The following PTPRK variants were observed in gnomAD, a reference collection of about 807,000 sequenced individuals.
PTPRK encodes protein tyrosine phosphatase receptor type K.
A neutral mutation model predicts 178.0 loss-of-function variants in PTPRK; 75 were observed. That is an observed-to-expected ratio of 0.42 (90% CI 0.35 to 0.51). PTPRK has a LOEUF of 0.51. PTPRK is among the 20% of genes least tolerant of loss of function. The pLI is 0.02. For missense variants in PTPRK, 1,441 were observed against 1,797.8 expected (o/e 0.80, Z 3.59); for synonymous variants, 637 against 620.6 (o/e 1.03, Z -0.39).
At chr6:128,082,139 CA>C (rs940584271) in intron 10 of PTPRK, among the ~76,000 whole-genome samples, 7 of 151,934 alleles carry the variant, frequency 4.6e-5, no homozygotes, top group African/African-American at 1.7e-4. Flanking sequence ...ATCAACTCTT[CA>C]AAAGTATCAT....
At chr6:128,330,787 A>G (rs1830160562) in intron 2 of PTPRK, among the ~76,000 whole-genome samples, 1 of 151,860 alleles carries the variant, frequency 6.6e-6, no homozygotes. Context: ...CCTCTCCAAC[A>G]TTATTTCTTA....
chr6:128,491,727 G>A (rs965664067), intron 1 of PTPRK: 3 of 470,578 alleles, frequency 6.4e-6, no homozygotes, highest in Admixed American at 4.3e-5. Context: ...TTTTTCTCTT[G>A]TTACCTTTTC....
intron 1 of PTPRK, among the ~76,000 whole-genome samples, chr6:128,451,385 A>T (rs1237867948): frequency 6.6e-6 from 1 of 152,210 alleles, no homozygotes; most frequent in African/African-American, 2.4e-5. Flanking sequence ...AACTCTTAAG[A>T]AATTATAATC....
chr6:128,002,397 G>A (rs1198052536), intron 15 of PTPRK, among the ~76,000 whole-genome samples: 1 of 151,724 alleles, frequency 6.6e-6, no homozygotes, highest in East Asian at 1.9e-4. Flanking sequence ...AGAAACGCTG[G>A]TAAAATTGAT....
chr6:128,031,200 A>G (rs569137682), intron 13 of PTPRK, among the ~76,000 whole-genome samples: 1 of 152,314 alleles, frequency 6.6e-6, no homozygotes, highest in East Asian at 1.9e-4. Flanking sequence ...CACATTCTTG[A>G]AAAATCACTC....
chr6:128,207,816 T>TC (rs1252869385), intron 6 of PTPRK, among the ~76,000 whole-genome samples: 1 of 152,130 alleles, frequency 6.6e-6, no homozygotes, highest in Non-Finnish European at 1.5e-5. Context: ...CACCCATTTT[T>TC]CCCCTTTTCA....
intron 10 of PTPRK, among the ~76,000 whole-genome samples, 156 bp downstream of exon 10, chr6:128,082,281 C>G (rs1019637952): frequency 1.3e-5 from 2 of 152,032 alleles, no homozygotes; most frequent in African/African-American, 2.4e-5. Context: ...AATTCATATT[C>G]AAATAATTAT....
intron 17 of PTPRK, 83 bp downstream of exon 17, chr6:127,996,818 C>A: frequency 6.8e-7 from 1 of 1,471,360 alleles, no homozygotes; most frequent in Non-Finnish European, 9.2e-7. Flanking sequence ...AACAGACACA[C>A]CACTCTCTGG....
chr6:127,996,931 C>T lies in PTPRK; in HGVS notation c.2737G>A (p.Ala913Thr), dbSNP rs760499409. 6.2e-7 allele frequency: 1 copy of T among 1,611,306 alleles called. No individual in the cohort carries two copies. Among genetic ancestry groups the T allele is most frequent in the Admixed American group, 1.7e-5 (1 of 59,766 alleles). ...ATAATGTTTCCATATCGGTTTTTTGCTCTATTTTGATCTTTTTTAGCTACA... is the reference window on the plus strand; with the variant it reads ...ATAATGTTTCCATATCGGTTTTTTGTTCTATTTTGATCTTTTTTAGCTACA... ...WDVAKKDQNR[A>T]KNRYGNIIAY... Residue 913 changes from alanine to threonine, a missense_variant, in exon 17 of 30, where the codon GCA (alanine) becomes ACA (threonine). Physicochemically the swap from Ala to Thr is moderately conservative, Grantham distance 58. Coordinates refer to ENST00000368226, the MANE Select transcript of PTPRK (RefSeq NM_002844.4).
intron 13 of PTPRK, among the ~76,000 whole-genome samples, chr6:128,030,239 C>T (rs750400344): frequency 1.3e-5 from 2 of 152,096 alleles, no homozygotes; most frequent in Non-Finnish European, 2.9e-5. Context: ...CTAACACTGA[C>T]GGAAACTGGG....
chr6:128,109,526 G>A (rs1790292776), intron 7 of PTPRK, among the ~76,000 whole-genome samples: 1 of 152,084 alleles, frequency 6.6e-6, no homozygotes, highest in Non-Finnish European at 1.5e-5. Context: ...TTACCATAAC[G>A]ACAGAGTCCA....
chr6:128,336,949 A>C (rs894289311), intron 2 of PTPRK, among the ~76,000 whole-genome samples: 3 of 152,122 alleles, frequency 2.0e-5, no homozygotes, highest in African/African-American at 7.2e-5. Flanking sequence ...AATCCTCGCA[A>C]ACTTGGTCCA....
At chr6:128,332,984 T>C (rs918907829) in intron 2 of PTPRK, among the ~76,000 whole-genome samples, 1 of 152,206 alleles carries the variant, frequency 6.6e-6, no homozygotes. Context: ...CTATCCAACC[T>C]GCACAGCTTT....
chr6:128,159,009 C>T (rs1798318856), intron 7 of PTPRK, among the ~76,000 whole-genome samples: 1 of 151,824 alleles, frequency 6.6e-6, no homozygotes, highest in Non-Finnish European at 1.5e-5. Context: ...AAATCCTTCA[C>T]TTAATTAATT....
chr6:128,324,872 T>C (rs1403966367), intron 2 of PTPRK, among the ~76,000 whole-genome samples: 1 of 152,148 alleles, frequency 6.6e-6, no homozygotes, highest in Non-Finnish European at 1.5e-5. Context: ...ACTGTGCTAT[T>C]CTTATCAACA....
At chr6:128,372,991 T>TAA (rs1351843971) in intron 2 of PTPRK, among the ~76,000 whole-genome samples, 1 of 150,852 alleles carries the variant, frequency 6.6e-6, no homozygotes, top group African/African-American at 2.4e-5. Flanking sequence ...GGAGGTAATT[T>TAA]TAAAAAAAAA....
chr6:128,063,700 G>A (rs1397672482), intron 13 of PTPRK, among the ~76,000 whole-genome samples: 4 of 151,972 alleles, frequency 2.6e-5, no homozygotes, highest in Admixed American at 2.6e-4. Flanking sequence ...ACTACCAAAA[G>A]GAATCTTCAT....
chr6:128,331,320 A>G (rs760967461), intron 2 of PTPRK, among the ~76,000 whole-genome samples: 1 of 152,194 alleles, frequency 6.6e-6, no homozygotes, highest in Non-Finnish European at 1.5e-5. Context: ...CTGTCTGTGC[A>G]TCCCCAAAAC....
At chr6:128,136,407 C>T (rs371447631) in intron 7 of PTPRK, among the ~76,000 whole-genome samples, 3 of 152,152 alleles carry the variant, frequency 2.0e-5, no homozygotes, top group African/African-American at 4.8e-5. Context: ...TCTAAATTTT[C>T]GTGATCTAGG....
Sources: gnomAD v4.1 joint callset for allele counts (sites outside exome capture counted in the v4.1 genomes callset) on GRCh38, gnomAD v4.1.1 for gene constraint, MANE v1.5 for transcripts, NCBI Gene and HGNC (gene_info 2026-07-23, HGNC 2026-07-21) for gene names.